STAG2: variants seen among roughly 807,000 people sequenced by gnomAD.
The protein encoded by STAG2 is STAG2 cohesin complex component, also known as cohesin subunit SA-2.
STAG2 carries 14 observed loss-of-function variants against 108.1 expected under a neutral mutation model. That is an observed-to-expected ratio of 0.13 (90% confidence interval 0.09 to 0.20). The LOEUF (loss-of-function observed/expected upper bound fraction) is 0.20, where lower values mean the gene tolerates loss of function less well. Among genes scored for constraint, STAG2 ranks in the 10% least tolerant of loss-of-function variants. The pLI, the probability that STAG2 is intolerant of heterozygous loss-of-function variation, is 1.00. For synonymous variants in STAG2, 307 were observed against 302.7 expected, an observed-to-expected ratio of 1.01 and a Z score of -0.15; for missense variants, 440 against 940.9, an observed-to-expected ratio of 0.47 and a Z score of 6.96.
chrX:123,975,373 G>T (rs1220758990), intron 1 of STAG2, among the ~76,000 whole-genome samples: 1 of 112,279 alleles, frequency 8.9e-6, no homozygotes, highest in Admixed American at 9.5e-5. Context: ...GGAAGTGGTG[G>T]TAGTCATGGT....
chrX:124,009,429 AGG>A (rs1467803760), intron 1 of STAG2, among the ~76,000 whole-genome samples: 367 of 89,954 alleles, frequency 4.1e-3, no homozygotes, highest in Non-Finnish European at 5.4e-3. Flanking sequence ...GTAGGTAGGT[AGG>A]TAGGTAGGTA....
chrX:124,082,261 C>T (rs2058980773), intron 28 of STAG2, among the ~76,000 whole-genome samples: 1 of 111,794 alleles, frequency 8.9e-6, no homozygotes, highest in African/African-American at 3.3e-5. Context: ...TTCTTTCCAT[C>T]TGCATATTTT....
Position 124,058,124 on chromosome X carries a change from T to G in STAG2, c.1416+147T>G, listed in dbSNP as rs183344693. On this transcript the variant is annotated intron_variant, in intron 15 of 34. Transcript: ENST00000371145. ...ACCCACTCCCCCACTCCCCCAATTT[T>G]TTTTTTTAAATATGCTTTCTACTTT... is the stretch of plus-strand genomic sequence containing the variant. The G allele has an allele frequency of 7.4e-3, 2,275 of 307,919 alleles. 60 individuals carry two copies. The highest frequency in any genetic ancestry group is 0.074 in the Admixed American group (1,126 of 15,271). The allele number at this position is 307,919 out of a possible 1,213,427, so 25.4% of individuals were successfully genotyped here. A position where few individuals can be genotyped will look rare whatever the true frequency, so the allele number is the denominator to read the frequency against.
chrX:124,050,366 T>A (rs918535446), intron 11 of STAG2, 57 bp downstream of exon 11: 10 of 1,120,812 alleles, frequency 8.9e-6, no homozygotes, highest in Non-Finnish European at 1.2e-5. Flanking sequence ...TGTCTGCACC[T>A]CTCATTCATG....
At chrX:123,998,584 A>G (rs377192697) in intron 1 of STAG2, among the ~76,000 whole-genome samples, 2 of 65,651 alleles carry the variant, frequency 3.0e-5, no homozygotes, top group African/African-American at 6.2e-5. Context: ...TTGTCTGTCT[A>G]TCCATCTATC....
intron 14 of STAG2, among the ~76,000 whole-genome samples, chrX:124,057,348 T>C (rs964900426): frequency 8.9e-6 from 1 of 112,133 alleles, no homozygotes; most frequent in Non-Finnish European, 1.9e-5. Context: ...GTAGGTGGTA[T>C]AAAACATTTA....
chrX:124,019,052 C>CTTTTTTT (rs751161706), intron 1 of STAG2, among the ~76,000 whole-genome samples: 34 of 79,881 alleles, frequency 4.3e-4, no homozygotes, highest in East Asian at 8.2e-4. Flanking sequence ...ATTTAGCACT[C>CTTTTTTT]TTTTTTTTTT....
intron 23 of STAG2, among the ~76,000 whole-genome samples, chrX:124,067,048 A>G (rs922942209): frequency 9.0e-6 from 1 of 111,380 alleles, no homozygotes; most frequent in Non-Finnish European, 1.9e-5. Flanking sequence ...GCTCATTTTT[A>G]GAAATATCAC....
chrX:124,095,179 G>A (rs1251273653), intron 33 of STAG2, among the ~76,000 whole-genome samples, 193 bp from the exon 34 acceptor site: 2 of 111,822 alleles, frequency 1.8e-5, no homozygotes, highest in African/African-American at 6.5e-5. Context: ...CACCCGCCTC[G>A]GCCTCCCAAA....
At chrX:123,998,053 A>T (rs971461418) in intron 1 of STAG2, among the ~76,000 whole-genome samples, 2 of 111,891 alleles carry the variant, frequency 1.8e-5, no homozygotes, top group African/African-American at 3.3e-5. Flanking sequence ...GACTGTTGTG[A>T]ATAATGTCGC....
chrX:123,963,868 C>T (rs2053979202), intron 1 of STAG2, among the ~76,000 whole-genome samples: 1 of 111,637 alleles, frequency 9.0e-6, no homozygotes, highest in African/African-American at 3.3e-5. Context: ...TGGATTTTGA[C>T]TTAACATGCT....
intron 29 of STAG2, among the ~76,000 whole-genome samples, chrX:124,085,098 C>T (rs1185514282): frequency 8.9e-6 from 1 of 111,839 alleles, no homozygotes; most frequent in African/African-American, 3.3e-5. Flanking sequence ...GAAAATGGAT[C>T]AATAGATTGA....
At chrX:123,976,481 A>C (rs1351638822) in intron 1 of STAG2, among the ~76,000 whole-genome samples, 3 of 111,044 alleles carry the variant, frequency 2.7e-5, no homozygotes, top group East Asian at 5.6e-4. Context: ...TGTGCAGTAT[A>C]TATTATACAG....
intron 1 of STAG2, among the ~76,000 whole-genome samples, chrX:123,982,718 G>C (rs796680984): frequency 9.2e-6 from 1 of 108,199 alleles, no homozygotes; most frequent in African/African-American, 3.4e-5. Context: ...TGTGAGGCAG[G>C]GCTGTACACT....
At chrX:124,003,219 C>T (rs1315318089) in intron 1 of STAG2, among the ~76,000 whole-genome samples, 1 of 110,373 alleles carries the variant, frequency 9.1e-6, no homozygotes, top group Non-Finnish European at 1.9e-5. Flanking sequence ...CCACTCAACT[C>T]AGCCTCCCAA....
chrX:124,076,310 A>C (rs1206232420), intron 25 of STAG2, 22 bp from the exon 26 acceptor site: 3 of 1,203,200 alleles, frequency 2.5e-6, no homozygotes, highest in African/African-American at 1.7e-5. Context: ...AAGATGCTTA[A>C]TGTTTGGGAC....
chrX:123,983,818 C>T (rs938495826), intron 1 of STAG2, among the ~76,000 whole-genome samples: 2 of 108,962 alleles, frequency 1.8e-5, no homozygotes, highest in East Asian at 2.9e-4. Context: ...TCTGGACTAG[C>T]TAACTTTAGA....
At chrX:123,975,386 G>T (rs1305908008) in intron 1 of STAG2, among the ~76,000 whole-genome samples, 1 of 112,161 alleles carries the variant, frequency 8.9e-6, no homozygotes, top group Non-Finnish European at 1.9e-5. Flanking sequence ...GTCATGGTTG[G>T]CAGAGAAGCA....
chrX:124,027,391 T>C (rs1033181040), intron 4 of STAG2, among the ~76,000 whole-genome samples: 1 of 112,564 alleles, frequency 8.9e-6, no homozygotes, highest in Admixed American at 9.4e-5. Context: ...AATAGAAATA[T>C]TAACTTACGG....
Sources: gnomAD v4.1 joint callset for allele counts (sites outside exome capture counted in the v4.1 genomes callset) on GRCh38, gnomAD v4.1.1 for gene constraint, MANE v1.5 for transcripts, NCBI Gene and HGNC (gene_info 2026-07-23, HGNC 2026-07-21) for gene names.